Variants in LRBA observed in about 807,000 individuals in gnomAD.
The protein encoded by LRBA is LPS responsive beige-like anchor protein.
LRBA carries 176 observed loss-of-function variants against 330.0 expected under a neutral mutation model. That is an observed-to-expected ratio of 0.53 (90% CI 0.47 to 0.60). The LOEUF (loss-of-function observed/expected upper bound fraction) is 0.60, where lower values mean the gene tolerates loss of function less well. LRBA is among the 20% of genes least tolerant of loss of function. LRBA has a pLI of 0.00. For missense variants in LRBA, 3,259 were observed against 3,444.8 expected (o/e 0.95, Z 1.35); for synonymous variants, 1,230 against 1,193.0 (o/e 1.03, Z -0.64).
chr4:150,916,367 G>A, intron 7 of LRBA, 34 bp downstream of exon 7: 1 of 1,600,364 alleles, frequency 6.2e-7, no homozygotes, highest in South Asian at 1.1e-5. Flanking sequence ...AGCATAGCTT[G>A]TTAACATAAC....
intron 36 of LRBA, among the ~76,000 whole-genome samples, chr4:150,707,644 G>A (rs940444626): frequency 1.3e-5 from 2 of 151,646 alleles, no homozygotes; most frequent in Admixed American, 6.6e-5. Flanking sequence ...ATGAAAAGGA[G>A]AGGAGAGAAG....
intron 48 of LRBA, among the ~76,000 whole-genome samples, chr4:150,335,412 T>C (rs768647587): frequency 4.2e-4 from 63 of 149,868 alleles, no homozygotes; most frequent in Non-Finnish European, 7.4e-5. Flanking sequence ...TGTGTATATA[T>C]ATATACACAC....
At chr4:150,489,096 T>C (rs1157029276) in intron 41 of LRBA, among the ~76,000 whole-genome samples, 5 of 37,512 alleles carry the variant, frequency 1.3e-4, no homozygotes, top group Non-Finnish European at 3.5e-4. Context: ...TATAAGAATA[T>C]ACAATATATT....
At chr4:150,391,069 G>C (rs1743849795) in intron 47 of LRBA, among the ~76,000 whole-genome samples, 1 of 152,152 alleles carries the variant, frequency 6.6e-6, no homozygotes, top group Admixed American at 6.5e-5. Flanking sequence ...TGACATTTTA[G>C]AAAGCAGAAT....
At chr4:150,297,885 G>A (rs537443088) in intron 53 of LRBA, among the ~76,000 whole-genome samples, 2 of 152,222 alleles carry the variant, frequency 1.3e-5, no homozygotes, top group African/African-American at 4.8e-5. Context: ...AGGGTAAAAG[G>A]AGGAGTAAAG....
chr4:150,316,725 T>C (rs1171032637), intron 50 of LRBA, among the ~76,000 whole-genome samples: 1 of 152,188 alleles, frequency 6.6e-6, no homozygotes, highest in Non-Finnish European at 1.5e-5. Context: ...CCCTGGCTCT[T>C]GACACTGTGG....
intron 2 of LRBA, among the ~76,000 whole-genome samples, chr4:150,986,049 TA>T (rs1741429418): frequency 6.6e-6 from 1 of 152,130 alleles, no homozygotes; most frequent in Non-Finnish European, 1.5e-5. Context: ...TTGAACTCCT[TA>T]AAAGTACATT....
At chr4:150,794,553 AATT>A (rs931326426) in intron 34 of LRBA, among the ~76,000 whole-genome samples, 11 of 151,774 alleles carry the variant, frequency 7.2e-5, no homozygotes, top group East Asian at 3.8e-4. Context: ...TCTTATTATA[AATT>A]ATTATAATTT....
At chr4:150,524,449 G>T (rs75419229) in intron 40 of LRBA, among the ~76,000 whole-genome samples, 1 of 152,074 alleles carries the variant, frequency 6.6e-6, no homozygotes, top group Non-Finnish European at 1.5e-5. Flanking sequence ...ACTTTCCAAG[G>T]GATAAACCAA....
At position 150,371,182 on chromosome 4, in the gene LRBA, ATTTTTTT is replaced by A. The variant is rs70937395; in HGVS notation, c.7195-21030_7195-21024del. ...AAAAGCATGAGCTGCAAGCTACTAA[ATTTTTTT>A]TTTTTTTTTTTTTTTTTTTTGGAGA... is the stretch of plus-strand genomic sequence containing the variant. On this transcript the variant is annotated intron_variant, in intron 47 of 56. Transcript: ENST00000651943. 7.2e-3 allele frequency among the ~76,000 whole-genome samples: 662 copies of A among 91,902 alleles called. 7 individuals are homozygous for A. The highest frequency in any genetic ancestry group is 0.029 in the African/African-American group (604 of 20,806). The allele number at this position is 91,902 out of a possible 152,430, so 60.3% of individuals were successfully genotyped here. A position where few individuals can be genotyped will look rare whatever the true frequency, so the allele number is the denominator to read the frequency against.
intron 40 of LRBA, among the ~76,000 whole-genome samples, chr4:150,510,753 T>C (rs1476011412): frequency 1.3e-5 from 2 of 152,182 alleles, no homozygotes; most frequent in African/African-American, 2.4e-5. Flanking sequence ...AGCTAAGATA[T>C]TAGAGGTCAG....
intron 36 of LRBA, 45 bp from the exon 37 acceptor site, chr4:150,683,762 C>A (rs1783263311): frequency 2.9e-6 from 4 of 1,381,268 alleles, no homozygotes; most frequent in Non-Finnish European, 3.9e-6. Flanking sequence ...GTGAAAAAAA[C>A]CTTTAAAATC....
intron 17 of LRBA, among the ~76,000 whole-genome samples, chr4:150,888,542 CTA>C (rs758291803): frequency 4.1e-4 from 62 of 152,048 alleles, no homozygotes; most frequent in Non-Finnish European, 8.1e-4. Flanking sequence ...TCCAAGGGTT[CTA>C]TACTTTATTT....
rs930830389 is a variant in LRBA, at chr4:150,753,609, G to A, written c.5645+8174C>T. 5.9e-5 allele frequency among the ~76,000 whole-genome samples: 9 copies of A among 152,154 alleles called. No individual in the cohort carries two copies. In the South Asian group the frequency reaches 1.7e-3, roughly 28 times the overall value. ...TATATCCAAGCCATCTTTCCTAAAAGTCACATACATTTGGTCTTGGTAAAA... is the reference window on the plus strand; with the variant it reads ...TATATCCAAGCCATCTTTCCTAAAAATCACATACATTTGGTCTTGGTAAAA... On this transcript the variant is annotated intron_variant, in intron 35 of 56. Transcript: ENST00000651943.
intron 36 of LRBA, among the ~76,000 whole-genome samples, chr4:150,688,802 C>A (rs1783851167): frequency 6.6e-6 from 1 of 152,152 alleles, no homozygotes; most frequent in Non-Finnish European, 1.5e-5. Context: ...CAGGAAACAA[C>A]AGATGCTGGA....
At chr4:150,850,437 A>G (rs1402093865) in intron 24 of LRBA, among the ~76,000 whole-genome samples, 2 of 152,144 alleles carry the variant, frequency 1.3e-5, no homozygotes, top group Non-Finnish European at 2.9e-5. Flanking sequence ...AACCAACTTG[A>G]TAAACCTACC....
chr4:150,467,598 T>C, intron 44 of LRBA, 75 bp downstream of exon 44: 2 of 919,530 alleles, frequency 2.2e-6, no homozygotes. Context: ...TTAAGTTAAG[T>C]AAAATAACGA....
chr4:150,943,097 A>C (rs964480016), intron 2 of LRBA, among the ~76,000 whole-genome samples: 3 of 152,208 alleles, frequency 2.0e-5, no homozygotes, highest in Non-Finnish European at 2.9e-5. Flanking sequence ...TATGTCTACA[A>C]AAGTGTTAAG....
chr4:150,699,632 G>A (rs961737848), intron 36 of LRBA, among the ~76,000 whole-genome samples: 1 of 152,178 alleles, frequency 6.6e-6, no homozygotes, highest in Non-Finnish European at 1.5e-5. Flanking sequence ...TGGATTCAGA[G>A]TAATGGGTAC....
Sources: allele counts gnomAD v4.1 joint callset (sites outside exome capture counted in the v4.1 genomes callset), GRCh38; gene constraint gnomAD v4.1.1; transcripts MANE v1.5; gene names NCBI Gene and HGNC (gene_info 2026-07-23, HGNC 2026-07-21).